Variants in ZNF182 observed in about 807,000 individuals in gnomAD.
The protein encoded by ZNF182 is zinc finger protein 182, also known as zinc finger protein 21 (KOX 14).
ZNF182 carries 10 observed loss-of-function variants against 28.1 expected under a neutral mutation model. The ratio of observed to expected loss-of-function variants is 0.36; its 90% CI spans 0.22 to 0.60. ZNF182 has a LOEUF of 0.60. ZNF182 is among the 20% of genes least tolerant of loss of function. The pLI is 0.75. For synonymous variants in ZNF182, 156 were observed against 158.7 expected, an observed-to-expected ratio of 0.98 and a Z score of 0.13; for missense variants, 352 against 453.2, an observed-to-expected ratio of 0.78 and a Z score of 2.03.
intron 3 of ZNF182, among the ~76,000 whole-genome samples, chrX:47,994,724 C>T (rs1322980927): frequency 6.3e-5 from 7 of 111,167 alleles, no homozygotes; most frequent in East Asian, 2.9e-4. Flanking sequence ...CTGCAACCTC[C>T]GCCTCCCAGG....
intron 3 of ZNF182, among the ~76,000 whole-genome samples, chrX:47,993,719 A>C (rs1048068898): frequency 1.8e-5 from 2 of 112,416 alleles, no homozygotes; most frequent in African/African-American, 3.2e-5. Flanking sequence ...TTATAGAACC[A>C]AAAAATACAA....
chrX:47,988,684 T>C (rs1478651492), intron 3 of ZNF182: 5 of 319,315 alleles, frequency 1.6e-5, no homozygotes, highest in Non-Finnish European at 2.8e-5. Flanking sequence ...CAGAAAATTA[T>C]AGGGATGTCT....
chrX:47,987,928 C>T (rs1477677614), intron 3 of ZNF182, among the ~76,000 whole-genome samples: 2 of 111,622 alleles, frequency 1.8e-5, no homozygotes, highest in Non-Finnish European at 3.8e-5. Context: ...AGAAAACGCT[C>T]AGAGCTCAGA....
intron 5 of ZNF182, among the ~76,000 whole-genome samples, chrX:47,981,109 AT>A (rs1395591987): frequency 8.9e-6 from 1 of 112,528 alleles, no homozygotes; most frequent in African/African-American, 3.2e-5. Flanking sequence ...TCTGTAAAAA[AT>A]GTATACATAA....
chrX:47,999,561 G>T (rs190505719), intron 3 of ZNF182, among the ~76,000 whole-genome samples: 3 of 109,392 alleles, frequency 2.7e-5, no homozygotes, highest in African/African-American at 1.0e-4. Context: ...GGCAGGGAAG[G>T]GTTGCGGGGT....
chrX:47,997,885 T>G (rs782005946), intron 3 of ZNF182, among the ~76,000 whole-genome samples: 42 of 111,231 alleles, frequency 3.8e-4, no homozygotes, highest in Non-Finnish European at 3.6e-4. Context: ...GAAGGGAAAC[T>G]GATGCAACTG....
rs782408126 is a variant in ZNF182, at chrX:47,976,151, A to T, written c.*16T>A. ...CTTTCTTTCAGTGTCCATAATAGAT[A>T]CTGCTGATTAGCTCTCTAATGTGCC... On this transcript the variant is annotated 3_prime_UTR_variant, in exon 6 of 6. Coordinates refer to ENST00000376943, the MANE Select transcript of ZNF182 (RefSeq NM_001007088.2). 4 of 1,128,549 alleles carry T rather than the reference A, an allele frequency of 3.5e-6. No individual in the cohort carries two copies. In the Admixed American group the frequency reaches 1.3e-4, roughly 35 times the overall value. The allele number at this position is 1,128,549 out of a possible 1,213,427, so 93.0% of individuals were successfully genotyped here. A position where few individuals can be genotyped will look rare whatever the true frequency, so the allele number is the denominator to read the frequency against.
At chrX:47,988,225 G>A (rs1198170609) in intron 3 of ZNF182, among the ~76,000 whole-genome samples, 3 of 110,818 alleles carry the variant, frequency 2.7e-5, no homozygotes, top group African/African-American at 9.8e-5. Flanking sequence ...GCTGAGGTAT[G>A]AGAATCGCTT....
chrX:47,996,409 T>C (rs1603228008), intron 3 of ZNF182, among the ~76,000 whole-genome samples: 1 of 102,554 alleles, frequency 9.8e-6, no homozygotes, highest in African/African-American at 3.5e-5. Flanking sequence ...CAAATAAAAA[T>C]GTAATCTAAG....
At chrX:47,979,203 G>C (rs1556898735) in intron 5 of ZNF182, among the ~76,000 whole-genome samples, 1 of 112,281 alleles carries the variant, frequency 8.9e-6, no homozygotes, top group Admixed American at 9.4e-5. Context: ...TTTTGCTATA[G>C]TGATACTGAA....
intron 3 of ZNF182, among the ~76,000 whole-genome samples, chrX:47,984,861 C>T (rs1210770331): frequency 9.0e-6 from 1 of 111,501 alleles, no homozygotes; most frequent in Non-Finnish European, 1.9e-5. Flanking sequence ...AAACAGATGG[C>T]AAATAAGCAC....
chrX:47,987,589 G>T (rs1292577514), intron 3 of ZNF182, among the ~76,000 whole-genome samples: 4 of 112,469 alleles, frequency 3.6e-5, no homozygotes, highest in African/African-American at 1.3e-4. Flanking sequence ...GTTAAAGAAG[G>T]GAGATGCAAA....
intron 3 of ZNF182, among the ~76,000 whole-genome samples, chrX:47,999,101 C>T (rs1406943440): frequency 9.0e-6 from 1 of 111,391 alleles, no homozygotes; most frequent in African/African-American, 3.3e-5. Context: ...AAATTCAGGC[C>T]GGGAGCGGTG....
intron 3 of ZNF182, among the ~76,000 whole-genome samples, chrX:47,987,346 G>C (rs1556899913): frequency 1.8e-5 from 2 of 112,038 alleles, no homozygotes; most frequent in Non-Finnish European, 3.8e-5. Flanking sequence ...TAAAAGTAAA[G>C]GGATAGGCAA....
At chrX:47,988,878 G>A (rs182203213) in intron 3 of ZNF182, among the ~76,000 whole-genome samples, 1,144 of 111,631 alleles carry the variant, frequency 0.01, 8 homozygotes, top group Non-Finnish European at 0.015. Context: ...ATAGTAAAAT[G>A]ACAATAAATA....
chrX:47,981,638 C>T (rs782082326), intron 5 of ZNF182, among the ~76,000 whole-genome samples: 5 of 112,093 alleles, frequency 4.5e-5, no homozygotes, highest in Non-Finnish European at 9.4e-5. Context: ...CGGTGGCTCA[C>T]GCCTGTAATC....
intron 5 of ZNF182, 97 bp from the exon 6 acceptor site, chrX:47,977,894 T>C (rs781802068): frequency 1.3e-6 from 1 of 797,443 alleles, no homozygotes; most frequent in African/African-American, 2.1e-5. Flanking sequence ...TACTATAATC[T>C]CATTTTATCA....
chrX:47,988,551 G>A, intron 3 of ZNF182: 1 of 503,403 alleles, frequency 2.0e-6, no homozygotes, highest in Non-Finnish European at 3.6e-6. Context: ...TCTGCCATGA[G>A]TAGAAGCTTC....
At chrX:47,989,877 T>C (rs1378711629) in intron 3 of ZNF182, among the ~76,000 whole-genome samples, 1 of 111,691 alleles carries the variant, frequency 9.0e-6, no homozygotes. Flanking sequence ...ACTTGGAATA[T>C]ATAGCCAGAA....
Sources: gnomAD v4.1 joint callset for allele counts (sites outside exome capture counted in the v4.1 genomes callset) on GRCh38, gnomAD v4.1.1 for gene constraint, MANE v1.5 for transcripts, NCBI Gene and HGNC (gene_info 2026-07-23, HGNC 2026-07-21) for gene names.